The following SBF2 variants were observed in gnomAD, a reference collection of about 807,000 sequenced individuals.
SBF2 encodes SET binding factor 2.
SBF2 carries 112 observed loss-of-function variants against 225.2 expected under a neutral mutation model. The ratio of observed to expected loss-of-function variants is 0.50; its 90% CI spans 0.43 to 0.58. SBF2 has a LOEUF of 0.58. SBF2 is among the 20% of genes least tolerant of loss of function. The pLI is 0.00. For synonymous variants in SBF2, 763 were observed against 773.3 expected, an observed-to-expected ratio of 0.99 and a Z score of 0.22; for missense variants, 1,996 against 2,206.2, an observed-to-expected ratio of 0.90 and a Z score of 1.91.
chr11:10,225,408 T>G (rs1958500933), intron 1 of SBF2, among the ~76,000 whole-genome samples: 1 of 151,500 alleles, frequency 6.6e-6, no homozygotes, highest in Admixed American at 6.6e-5. Context: ...CAATTTCCTA[T>G]TAAAAAAAAA....
chr11:10,182,248 T>A (rs573823083), intron 2 of SBF2, among the ~76,000 whole-genome samples: 3 of 152,260 alleles, frequency 2.0e-5, no homozygotes, highest in South Asian at 4.1e-4. Context: ...GTAGGTAATA[T>A]AAAAATTCAT....
chr11:10,196,069 T>C (rs1357172036), intron 1 of SBF2, among the ~76,000 whole-genome samples: 1 of 152,214 alleles, frequency 6.6e-6, no homozygotes, highest in Non-Finnish European at 1.5e-5. Flanking sequence ...AGTTATGTTA[T>C]CGTAAGCTCA....
At chr11:9,879,789 G>T (rs1305949432) in intron 17 of SBF2, among the ~76,000 whole-genome samples, 2 of 152,100 alleles carry the variant, frequency 1.3e-5, no homozygotes, top group Non-Finnish European at 2.9e-5. Flanking sequence ...ATTTGTTTCA[G>T]ATCTCAGGAT....
chr11:10,133,747 G>C (rs1298276939), intron 2 of SBF2, among the ~76,000 whole-genome samples: 4 of 151,758 alleles, frequency 2.6e-5, no homozygotes, highest in Non-Finnish European at 5.9e-5. Flanking sequence ...CCAGAAAGGG[G>C]CTCCCACAGT....
At chr11:9,873,482 G>A (rs117795260) in intron 17 of SBF2, among the ~76,000 whole-genome samples, 3,010 of 152,260 alleles carry the variant, frequency 0.02, 52 homozygotes, top group South Asian at 0.038. Flanking sequence ...AACAGAAGCA[G>A]CAGCCAGGGG....
chr11:10,070,432 T>C (rs1950817502), intron 2 of SBF2, among the ~76,000 whole-genome samples: 1 of 152,224 alleles, frequency 6.6e-6, no homozygotes, highest in South Asian at 2.1e-4. Context: ...TCCCCACTTC[T>C]TGTTTTTGCC....
chr11:9,867,565 G>T (rs1178167308), intron 17 of SBF2, among the ~76,000 whole-genome samples: 1 of 152,050 alleles, frequency 6.6e-6, no homozygotes, highest in Non-Finnish European at 1.5e-5. Flanking sequence ...ATATCAAAGA[G>T]ATTACATTTA....
chr11:10,063,858 C>CACACACACACACAGAGAG (rs373423157), intron 2 of SBF2, among the ~76,000 whole-genome samples: 22 of 136,172 alleles, frequency 1.6e-4, no homozygotes, highest in Non-Finnish European at 2.5e-4. Context: ...CACACACACA[C>CACACACACACACAGAGAG]AGAGAGAGAG....
chr11:10,202,089 T>G (rs971580854), intron 1 of SBF2, among the ~76,000 whole-genome samples: 2 of 152,232 alleles, frequency 1.3e-5, no homozygotes, highest in African/African-American at 2.4e-5. Context: ...GATCTAGCAC[T>G]TTCATGAAAT....
chr11:10,005,646 C>T (rs1010135739), intron 6 of SBF2, among the ~76,000 whole-genome samples: 3 of 152,136 alleles, frequency 2.0e-5, no homozygotes, highest in African/African-American at 7.2e-5. Context: ...CTGCAGACCT[C>T]TATGGATTTG....
intron 1 of SBF2, among the ~76,000 whole-genome samples, chr11:10,226,267 T>A (rs1318553891): frequency 6.6e-6 from 1 of 152,200 alleles, no homozygotes; most frequent in Admixed American, 6.5e-5. Context: ...AGCATTATAC[T>A]ATGAAGTAAC....
chr11:10,005,183 G>A (rs938137209), intron 6 of SBF2, among the ~76,000 whole-genome samples: 3 of 152,196 alleles, frequency 2.0e-5, no homozygotes, highest in East Asian at 1.9e-4. Flanking sequence ...AGGAGTTGGC[G>A]AGCGGGCTCA....
chr11:9,907,963 G>A (rs971179410), intron 16 of SBF2, among the ~76,000 whole-genome samples: 1 of 152,194 alleles, frequency 6.6e-6, no homozygotes, highest in Non-Finnish European at 1.5e-5. Context: ...GGCAGAGCCA[G>A]AATTTGAACC....
At chr11:10,041,983 TA>T (rs78719112) in intron 3 of SBF2, among the ~76,000 whole-genome samples, 69,463 of 151,902 alleles carry the variant, frequency 0.46, 16,282 homozygotes, top group Admixed American at 0.56. Flanking sequence ...TATACAATCT[TA>T]ACTTCCACCA....
chr11:9,899,712 C>A (rs1041938193), intron 16 of SBF2, among the ~76,000 whole-genome samples: 1 of 152,004 alleles, frequency 6.6e-6, no homozygotes, highest in Non-Finnish European at 1.5e-5. Flanking sequence ...CTCTGAGATA[C>A]GTCTGGTAGT....
chr11:10,128,719 C>T (rs1223729799), intron 2 of SBF2, among the ~76,000 whole-genome samples: 1 of 152,176 alleles, frequency 6.6e-6, no homozygotes, highest in African/African-American at 2.4e-5. Flanking sequence ...AAACAGTATA[C>T]TTTGGCAGTT....
chr11:10,258,044 A>G (rs1206770128), intron 1 of SBF2, among the ~76,000 whole-genome samples: 5 of 151,628 alleles, frequency 3.3e-5, no homozygotes, highest in African/African-American at 1.2e-4. Flanking sequence ...ATGCCAATCC[A>G]AACTATGAAT....
chr11:10,162,877 C>A (rs1955811785), intron 2 of SBF2, among the ~76,000 whole-genome samples: 3 of 152,168 alleles, frequency 2.0e-5, no homozygotes, highest in Admixed American at 2.0e-4. Context: ...TCCAGTCTGA[C>A]AGCATTCCTC....
intron 1 of SBF2, among the ~76,000 whole-genome samples, chr11:10,219,360 G>T (rs1406553096): frequency 6.6e-6 from 1 of 152,154 alleles, no homozygotes; most frequent in African/African-American, 2.4e-5. Context: ...TGGACGCAGG[G>T]CACCAAGTCC....
Sources: allele counts gnomAD v4.1 joint callset (sites outside exome capture counted in the v4.1 genomes callset), GRCh38; gene constraint gnomAD v4.1.1; transcripts MANE v1.5; gene names NCBI Gene and HGNC (gene_info 2026-07-23, HGNC 2026-07-21).